The following SLC43A2 variants were observed in gnomAD, a reference collection of about 807,000 sequenced individuals.
The protein encoded by SLC43A2 is large neutral amino acids transporter small subunit 4.
Under a neutral mutation model 63.2 loss-of-function variants are expected in SLC43A2, and 38 were observed. That is an observed-to-expected ratio of 0.60 (90% confidence interval 0.46 to 0.79). SLC43A2 has a LOEUF of 0.79. Among genes scored for constraint, SLC43A2 ranks in the 30% least tolerant of loss-of-function variants. The pLI is 0.00. For missense variants in SLC43A2, 644 were observed against 756.2 expected (o/e 0.85, Z 1.74); for synonymous variants, 322 against 331.0 (o/e 0.97, Z 0.30).
intron 5 of SLC43A2, among the ~76,000 whole-genome samples, chr17:1,600,257 T>C (rs1905847865): frequency 1.4e-5 from 2 of 143,006 alleles, no homozygotes; most frequent in South Asian, 4.6e-4. Context: ...TCCAAGCAAT[T>C]CTCCTGCCTC....
At position 1,572,145 on chromosome 17, in the gene SLC43A2, T is replaced by A. The variant is rs1053318689; in HGVS notation, c.*3459A>T. On this transcript the variant is annotated 3_prime_UTR_variant, in exon 14 of 14. Transcript: ENST00000301335. ...TACCCATCAGCCTCCAGGGCCCAAA[T>A]GATTCCATGCAGTAGCTCTCTCCCC... is the stretch of plus-strand genomic sequence containing the variant. 1 of 152,544 alleles carries A rather than the reference T, an allele frequency of 6.6e-6. No homozygotes were observed. Among genetic ancestry groups the A allele is most frequent in the African/African-American group, 2.4e-5 (1 of 41,420 alleles). 9.4% of individuals were successfully genotyped at this position (152,544 alleles called of 1,614,324 possible).
intron 5 of SLC43A2, chr17:1,604,559 G>T: frequency 1.5e-6 from 1 of 674,342 alleles, no homozygotes; most frequent in Non-Finnish European, 2.5e-6. Context: ...TGAACTTAGT[G>T]TAGACATCTC....
intron 9 of SLC43A2, chr17:1,586,928 T>A: frequency 8.1e-7 from 1 of 1,232,910 alleles, no homozygotes; most frequent in Non-Finnish European, 1.1e-6. Context: ...TCCCTGACAA[T>A]CCCCCCCACC....
At chr17:1,604,641 T>C in intron 5 of SLC43A2, 1 of 1,317,922 alleles carries the variant, frequency 7.6e-7, no homozygotes. Flanking sequence ...CCTGAGCAGC[T>C]GAGACTACAG....
intron 5 of SLC43A2, among the ~76,000 whole-genome samples, chr17:1,600,011 T>A (rs1459356448): frequency 6.9e-6 from 1 of 145,056 alleles, no homozygotes; most frequent in African/African-American, 2.6e-5. Context: ...GCCACTGCAC[T>A]CCAGCCTGGG....
intron 2 of SLC43A2, 28 bp from the exon 3 acceptor site, chr17:1,616,797 C>G: frequency 6.2e-7 from 1 of 1,609,114 alleles, no homozygotes; most frequent in Non-Finnish European, 8.5e-7. Flanking sequence ...GAAACCCTGA[C>G]CTCAGGGTCA....
rs756033378 is a variant in SLC43A2, at chr17:1,585,836, G to A, written c.1217+77C>T. On this transcript the variant is annotated intron_variant, in intron 10 of 13. Coordinates refer to ENST00000301335, the MANE Select transcript of SLC43A2 (RefSeq NM_152346.3). The stretch of plus-strand genomic sequence containing the variant: ...TCTCTCCCTCTGTCCCACCCACCCT[G>A]TGCCTGACATGCAGCTCTGGGGTCT... The A allele has an allele frequency of 5.6e-6, 9 of 1,608,478 alleles. No homozygotes were observed. The Admixed American group carries it at 6.7e-5, about 12-fold the overall frequency.
chr17:1,603,526 T>C (rs1335082973), intron 5 of SLC43A2, among the ~76,000 whole-genome samples: 2 of 152,084 alleles, frequency 1.3e-5, no homozygotes, highest in African/African-American at 2.4e-5. Context: ...GGCTCACACC[T>C]GTAATCCCAG....
intron 5 of SLC43A2, among the ~76,000 whole-genome samples, chr17:1,595,444 C>G (rs574052172): frequency 3.4e-4 from 51 of 151,938 alleles, no homozygotes; most frequent in Non-Finnish European, 4.7e-4. Context: ...CATGCCCCAG[C>G]TAGTGGTTTT....
chr17:1,618,672 T>A (rs1360553655), intron 2 of SLC43A2, among the ~76,000 whole-genome samples: 2 of 152,226 alleles, frequency 1.3e-5, no homozygotes, highest in Admixed American at 6.5e-5. Flanking sequence ...TGGCCTACAA[T>A]AGCTGTTTAC....
At chr17:1,582,027 A>G (rs1326570086) in intron 11 of SLC43A2, among the ~76,000 whole-genome samples, 2 of 151,454 alleles carry the variant, frequency 1.3e-5, no homozygotes, top group East Asian at 1.9e-4. Context: ...GGCTAGTCTC[A>G]AACTCCTGAC....
chr17:1,591,191 G>T (rs757851657), intron 8 of SLC43A2, 78 bp downstream of exon 8: 101 of 1,544,654 alleles, frequency 6.5e-5, no homozygotes, highest in Non-Finnish European at 8.5e-5. Context: ...CCCCTTTTGG[G>T]GTGAGGTGGG....
upstream of SLC43A2, among the ~76,000 whole-genome samples, chr17:1,629,604 C>T (rs1908999249): frequency 6.6e-6 from 1 of 152,248 alleles, no homozygotes; most frequent in African/African-American, 2.4e-5. Flanking sequence ...ATCAGACTGA[C>T]CTTTCTCCGC....
chr17:1,615,662 T>A (rs542083809), intron 3 of SLC43A2, among the ~76,000 whole-genome samples: 2 of 148,950 alleles, frequency 1.3e-5, no homozygotes, highest in Non-Finnish European at 3.0e-5. Flanking sequence ...GCTAACACAG[T>A]GAAACCCCGT....
At chr17:1,587,961 C>T (rs35529287) in intron 9 of SLC43A2, among the ~76,000 whole-genome samples, 78,227 of 151,820 alleles carry the variant, frequency 0.52, 21,300 homozygotes, top group East Asian at 0.82. Context: ...CTGTTTTCCC[C>T]CCTTAATTCT....
At chr17:1,622,426 G>C (rs375752395) in intron 2 of SLC43A2, among the ~76,000 whole-genome samples, 93 of 152,184 alleles carry the variant, frequency 6.1e-4, no homozygotes, top group Middle Eastern at 3.4e-3. Flanking sequence ...TTAGCCAGGC[G>C]TGGTGGCGGG....
rs1185230390 is a variant in SLC43A2 at position 1,590,801 on chromosome 17, C to T, written c.1078+1G>A. The T allele has an allele frequency of 6.4e-7, 1 of 1,554,008 alleles. No homozygotes were observed. The highest frequency in any genetic ancestry group is 2.0e-5 in the Admixed American group (1 of 51,056). On this transcript the variant is annotated splice_donor_variant, in intron 9 of 13. Transcript: ENST00000301335. LOFTEE classifies it high-confidence loss of function. ...CGACCGAGGCTGCCCGGGGCACCTA[C>T]CTGTCTTCTGGTCGCCGCTGACCAG... is the stretch of plus-strand genomic sequence containing the variant.
chr17:1,594,523 T>TA (rs1420730441), intron 5 of SLC43A2, among the ~76,000 whole-genome samples: 1 of 152,138 alleles, frequency 6.6e-6, no homozygotes, highest in East Asian at 1.9e-4. Flanking sequence ...TATGGGGACT[T>TA]AATCTATGTC....
At chr17:1,618,406 G>C (rs957588926) in intron 2 of SLC43A2, among the ~76,000 whole-genome samples, 1 of 152,244 alleles carries the variant, frequency 6.6e-6, no homozygotes, top group Non-Finnish European at 1.5e-5. Context: ...GGCATAGAAA[G>C]CACTCAATAA....
Sources: allele counts gnomAD v4.1 joint callset (sites outside exome capture counted in the v4.1 genomes callset), GRCh38; gene constraint gnomAD v4.1.1; transcripts MANE v1.5; gene names NCBI Gene and HGNC (gene_info 2026-07-23, HGNC 2026-07-21).